Variants in CSMD3 observed in about 807,000 individuals in gnomAD.
The protein encoded by CSMD3 is CUB and Sushi multiple domains 3, also known as CUB and sushi domain-containing protein 3.
A neutral mutation model predicts 435.2 loss-of-function variants in CSMD3; 177 were observed. The observed-to-expected ratio is 0.41, with a 90% confidence interval of 0.36 to 0.46. The LOEUF is 0.46. CSMD3 is among the 20% of genes least tolerant of loss of function. CSMD3 has a pLI of 0.34. For missense variants in CSMD3, 4,265 were observed against 4,504.6 expected, an observed-to-expected ratio of 0.95 and a Z score of 1.52; for synonymous variants, 1,656 against 1,520.5, an observed-to-expected ratio of 1.09 and a Z score of -2.07.
At chr8:112,364,149 T>C (rs41340951) in intron 38 of CSMD3, among the ~76,000 whole-genome samples, 59,803 of 151,816 alleles carry the variant, frequency 0.39, 13,269 homozygotes, top group Middle Eastern at 0.54. Flanking sequence ...TATGCTGAAT[T>C]GAATCTTTTG....
chr8:112,440,420 G>C (rs979566076), intron 32 of CSMD3, among the ~76,000 whole-genome samples: 3 of 152,110 alleles, frequency 2.0e-5, no homozygotes, highest in African/African-American at 7.2e-5. Flanking sequence ...GGTGTTGAGT[G>C]TCCATGGCTT....
chr8:112,250,493 G>T (rs1815164707), intron 63 of CSMD3, among the ~76,000 whole-genome samples: 1 of 151,414 alleles, frequency 6.6e-6, no homozygotes, highest in South Asian at 2.1e-4. Flanking sequence ...AAATAATTTT[G>T]TCAGTGATGA....
chr8:113,284,436 GTTA>G (rs1456803981), intron 2 of CSMD3, among the ~76,000 whole-genome samples: 4 of 152,124 alleles, frequency 2.6e-5, no homozygotes, highest in Admixed American at 6.5e-5. Context: ...TTGTTATTAA[GTTA>G]TTAAGAAAAT....
At chr8:112,724,117 G>C (rs1222586624) in intron 13 of CSMD3, among the ~76,000 whole-genome samples, 1 of 152,028 alleles carries the variant, frequency 6.6e-6, no homozygotes, top group Non-Finnish European at 1.5e-5. Context: ...TAGGGTAACT[G>C]TGGAGAGGTG....
chr8:112,904,569 T>C (rs4028265), intron 10 of CSMD3, among the ~76,000 whole-genome samples: 129,727 of 151,276 alleles, frequency 0.86, 55,942 homozygotes, highest in African/African-American at 0.94. Context: ...TATGAGGACC[T>C]TGAAGGTGGT....
chr8:112,414,881 A>AT (rs2130183022), intron 32 of CSMD3, among the ~76,000 whole-genome samples: 1 of 152,268 alleles, frequency 6.6e-6, no homozygotes, highest in South Asian at 2.1e-4. Context: ...TGTGCTAGAG[A>AT]TGTGTGGAAC....
chr8:112,724,427 A>C (rs2076923959), intron 13 of CSMD3, among the ~76,000 whole-genome samples: 1 of 152,076 alleles, frequency 6.6e-6, no homozygotes, highest in South Asian at 2.1e-4. Context: ...AAGCCAAAAT[A>C]ATTTGCTAAT....
chr8:112,842,128 T>A (rs1286749809), intron 11 of CSMD3, among the ~76,000 whole-genome samples: 1 of 151,736 alleles, frequency 6.6e-6, no homozygotes, highest in Non-Finnish European at 1.5e-5. Context: ...TTGCAGCTAT[T>A]CTTGAGGTGT....
chr8:112,585,803 A>G (rs1830678738), intron 23 of CSMD3, among the ~76,000 whole-genome samples: 1 of 151,626 alleles, frequency 6.6e-6, no homozygotes, highest in Non-Finnish European at 1.5e-5. Context: ...ATGCATTGAT[A>G]CATTTTCCCC....
chr8:112,569,462 A>G (rs577911257), intron 24 of CSMD3, among the ~76,000 whole-genome samples: 1 of 152,332 alleles, frequency 6.6e-6, no homozygotes, highest in South Asian at 2.1e-4. Context: ...GCCATTTACT[A>G]TACTTAGCAA....
rs181200163 is a variant in CSMD3 at position 112,844,416 on chromosome 8, A to G, written c.1756-14627T>C. Among the ~76,000 whole-genome samples, 10 of 152,108 alleles carry G rather than the reference A, an allele frequency of 6.6e-5. No homozygotes were observed. The East Asian group carries it at 7.7e-4, about 12-fold the overall frequency. ...TAGCAAGTTGTCCTTACTAAAGACT[A>G]TATTTTCCATTCTCTCTTGTAGCTA... On this transcript the variant is annotated intron_variant, in intron 11 of 70. Transcript: ENST00000297405.
At chr8:112,879,288 C>T (rs2081380768) in intron 10 of CSMD3, among the ~76,000 whole-genome samples, 1 of 152,082 alleles carries the variant, frequency 6.6e-6, no homozygotes, top group African/African-American at 2.4e-5. Flanking sequence ...AGAGATGAAA[C>T]ATGCCCTAGT....
chr8:112,699,206 C>T (rs1481605648), intron 13 of CSMD3, among the ~76,000 whole-genome samples: 1 of 152,128 alleles, frequency 6.6e-6, no homozygotes. Context: ...TCCGCAGTAC[C>T]TTTAAGAGCT....
chr8:113,277,006 A>T (rs1356266596), intron 3 of CSMD3, among the ~76,000 whole-genome samples: 1 of 152,050 alleles, frequency 6.6e-6, no homozygotes, highest in African/African-American at 2.4e-5. Context: ...GCCAAACCAA[A>T]AAACATGCCA....
At chr8:113,377,136 A>G in intron 1 of CSMD3, 3 of 1,258,734 alleles carry the variant, frequency 2.4e-6, no homozygotes, top group Middle Eastern at 3.5e-4. Context: ...CCGGTCCTCC[A>G]AAGGGCCGAG....
intron 32 of CSMD3, among the ~76,000 whole-genome samples, chr8:112,469,131 A>C (rs2130731513): frequency 6.6e-6 from 1 of 151,008 alleles, no homozygotes; most frequent in South Asian, 2.1e-4. Flanking sequence ...TGGCAAAAAT[A>C]ACTTACAGGC....
chr8:112,406,527 T>C lies in CSMD3; in HGVS notation c.5806A>G (p.Ile1936Val). 6.2e-7 allele frequency: 1 copy of C among 1,600,864 alleles called. No individual in the cohort carries two copies. Among genetic ancestry groups the C allele is most frequent in the African/African-American group, 1.3e-5 (1 of 74,742 alleles). Residue 1936 changes from isoleucine (I) to valine (V), a missense_variant, in exon 35 of 71, where the codon ATT becomes GTT. Around this residue, in one of 3 missense-constraint regions of CSMD3, gnomAD observed 3,255 missense variants for 3,380.2 expected, o/e 0.96. Coordinates refer to ENST00000297405, the MANE Select transcript of CSMD3 (RefSeq NM_198123.2). ...AQWNDSLPTC[I>V]VPCGGILTKR... ...TCATACAAATTTATATACTCACCAATACAAGTAGGTAAGGAATCATTCCAC... is the reference window on the plus strand; with the variant it reads ...TCATACAAATTTATATACTCACCAACACAAGTAGGTAAGGAATCATTCCAC...
At chr8:112,822,019 T>C (rs1168728688) in intron 12 of CSMD3, among the ~76,000 whole-genome samples, 2 of 152,178 alleles carry the variant, frequency 1.3e-5, no homozygotes, top group Non-Finnish European at 2.9e-5. Context: ...ATGACTGTTT[T>C]CGTACCAGTA....
At position 113,262,957 on chromosome 8, in the gene CSMD3, C is replaced by A. The variant is rs537527119; in HGVS notation, c.514+15635G>T. Among the ~76,000 whole-genome samples the A allele has an allele frequency of 2.0e-5, 3 of 151,824 alleles. No individual in the cohort carries two copies. In the Admixed American group the frequency reaches 2.0e-4, roughly 10 times the overall value. ...TTGTATTAATCCTCTAAATTGTGGT[C>A]GTTTGTTATGCAGCAATATAAAACC... is the stretch of plus-strand genomic sequence containing the variant. On this transcript the variant is annotated intron_variant, in intron 3 of 70. Coordinates refer to ENST00000297405, the MANE Select transcript of CSMD3 (RefSeq NM_198123.2).
Sources: allele counts gnomAD v4.1 joint callset (sites outside exome capture counted in the v4.1 genomes callset), GRCh38; gene constraint gnomAD v4.1.1; regional missense constraint gnomAD v4.1.1; transcripts MANE v1.5; gene names NCBI Gene and HGNC (gene_info 2026-07-23, HGNC 2026-07-21).